ELOVL7: variants seen among roughly 807,000 people sequenced by gnomAD.
ELOVL7 encodes the protein very long chain fatty acid elongase 7.
In ELOVL7, 27 loss-of-function variants were observed where a neutral mutation model predicts 35.7. The ratio of observed to expected loss-of-function variants is 0.76; its 90% CI spans 0.56 to 1.04. The LOEUF is 1.04. ELOVL7 is among the 50% of genes least tolerant of loss of function. The pLI, the probability that ELOVL7 is intolerant of heterozygous loss-of-function variation, is 0.00. For missense variants in ELOVL7, 327 were observed against 340.8 expected, an observed-to-expected ratio of 0.96 and a Z score of 0.32; for synonymous variants, 113 against 114.6, an observed-to-expected ratio of 0.99 and a Z score of 0.09.
Position 60,825,221 on chromosome 5 carries a change from C to A in ELOVL7, c.-86+18939G>T, listed in dbSNP as rs1452329736. On this transcript the variant is annotated intron_variant, in intron 1 of 8. Transcript: ENST00000508821. ...ATACTTAGCTTCAACTGCATTGATC[C>A]CCTTGTCCTTCCCTGAACACACCAA... 3.3e-5 allele frequency among the ~76,000 whole-genome samples: 5 copies of A among 152,070 alleles called. 1 individual carries two copies. The highest frequency in any genetic ancestry group is 3.3e-4 in the Admixed American group (5 of 15,262).
intron 1 of ELOVL7, among the ~76,000 whole-genome samples, chr5:60,803,214 T>C (rs554793811): frequency 6.6e-6 from 1 of 152,304 alleles, no homozygotes; most frequent in South Asian, 2.1e-4. Context: ...TATTTACCAT[T>C]CCATCCCATC....
intron 1 of ELOVL7, among the ~76,000 whole-genome samples, chr5:60,838,258 A>G (rs1746949177): frequency 6.6e-6 from 1 of 151,636 alleles, no homozygotes; most frequent in Admixed American, 6.6e-5. Flanking sequence ...TCGCACCTGC[A>G]CTCTCTCCCT....
chr5:60,819,134 A>G (rs74978461), intron 1 of ELOVL7, among the ~76,000 whole-genome samples: 68 of 6,954 alleles, frequency 9.8e-3, no homozygotes, highest in East Asian at 0.023. Flanking sequence ...AGGAGAGGAG[A>G]GGAGAGCAGA....
At chr5:60,814,238 T>C (rs1017961155) in intron 1 of ELOVL7, among the ~76,000 whole-genome samples, 2 of 152,190 alleles carry the variant, frequency 1.3e-5, no homozygotes, top group Non-Finnish European at 2.9e-5. Context: ...TGAGTTATTA[T>C]GAAATCTGTG....
intron 3 of ELOVL7, among the ~76,000 whole-genome samples, chr5:60,778,927 T>C (rs1325728538): frequency 1.3e-5 from 2 of 152,196 alleles, no homozygotes; most frequent in Non-Finnish European, 2.9e-5. Flanking sequence ...AGGCACTGCA[T>C]AAATATACCC....
At chr5:60,756,234 A>G (rs76465233) in intron 8 of ELOVL7, among the ~76,000 whole-genome samples, 1 of 151,902 alleles carries the variant, frequency 6.6e-6, no homozygotes, top group South Asian at 2.1e-4. Flanking sequence ...GTATGCTGAG[A>G]AAAAAAAGCC....
At chr5:60,841,454 C>T (rs1274460593) in intron 1 of ELOVL7, among the ~76,000 whole-genome samples, 1 of 152,180 alleles carries the variant, frequency 6.6e-6, no homozygotes, top group African/African-American at 2.4e-5. Flanking sequence ...GAACTCTCTT[C>T]TTGGCTCCCT....
intron 1 of ELOVL7, among the ~76,000 whole-genome samples, chr5:60,843,016 T>C (rs1747269300): frequency 1.3e-5 from 2 of 151,918 alleles, no homozygotes; most frequent in African/African-American, 4.8e-5. Context: ...GGGTGCGTGG[T>C]AAGAACGCAG....
intron 8 of ELOVL7, 97 bp downstream of exon 8, chr5:60,757,412 T>C (rs1741606846): frequency 1.6e-6 from 2 of 1,285,450 alleles, no homozygotes; most frequent in East Asian, 2.3e-5. Context: ...CCTATTGTTT[T>C]GTCTTTCTTC....
intron 3 of ELOVL7, among the ~76,000 whole-genome samples, chr5:60,774,067 T>C (rs1380297734): frequency 2.0e-5 from 3 of 152,226 alleles, no homozygotes; most frequent in African/African-American, 7.2e-5. Context: ...AAAGAAGAGC[T>C]AGTACCAATC....
intron 8 of ELOVL7, among the ~76,000 whole-genome samples, 155 bp downstream of exon 8, chr5:60,757,354 A>C (rs540257923): frequency 1.3e-5 from 2 of 152,246 alleles, no homozygotes; most frequent in East Asian, 3.9e-4. Context: ...TTCATCTAAC[A>C]TATTAAGAAC....
chr5:60,755,062 A>G (rs186942369), intron 8 of ELOVL7, among the ~76,000 whole-genome samples: 199 of 152,272 alleles, frequency 1.3e-3, no homozygotes, highest in Non-Finnish European at 2.0e-3. Flanking sequence ...CGCAGGGTCT[A>G]TATTTAAATG....
intron 1 of ELOVL7, among the ~76,000 whole-genome samples, chr5:60,822,005 T>C (rs1227031785): frequency 2.0e-5 from 3 of 152,266 alleles, no homozygotes; most frequent in Non-Finnish European, 4.4e-5. Flanking sequence ...ACTTCTCTAA[T>C]GCCTTCAGGT....
At chr5:60,792,797 G>A (rs1744016899) in intron 2 of ELOVL7, among the ~76,000 whole-genome samples, 1 of 152,192 alleles carries the variant, frequency 6.6e-6, no homozygotes, top group South Asian at 2.1e-4. Flanking sequence ...AATATCTGAT[G>A]GCAAAGAAGT....
chr5:60,787,922 G>GA (rs1743698362), intron 2 of ELOVL7, among the ~76,000 whole-genome samples: 1 of 152,300 alleles, frequency 6.6e-6, no homozygotes, highest in African/African-American at 2.4e-5. Flanking sequence ...AATAGAGACA[G>GA]AAAGAGGGAA....
At chr5:60,783,984 GA>G in intron 3 of ELOVL7, 1 of 617,324 alleles carries the variant, frequency 1.6e-6, no homozygotes, top group South Asian at 1.9e-5. Context: ...CAGGCTGTCT[GA>G]CAGTCTATAC....
intron 1 of ELOVL7, among the ~76,000 whole-genome samples, chr5:60,819,444 T>G (rs1434644760): frequency 6.6e-6 from 1 of 152,062 alleles, no homozygotes; most frequent in African/African-American, 2.4e-5. Context: ...TCCTTTTGCT[T>G]CCCTGTACAA....
rs564786203 is a variant in ELOVL7, at chr5:60,801,731, T to C, written c.-85-2501A>G. Reference sequence around the variant, plus strand: ...AAAAAAGAAAAAAAAATGAAGAAACTAGAACAAAGCGAGCAGAAGGAAGGA... The same window carrying C: ...AAAAAAGAAAAAAAAATGAAGAAACCAGAACAAAGCGAGCAGAAGGAAGGA... On this transcript the variant is annotated intron_variant, in intron 1 of 8. Transcript: ENST00000508821. Among the ~76,000 whole-genome samples the C allele has an allele frequency of 2.0e-4, 30 of 151,626 alleles. No individual in the cohort carries two copies. In the East Asian group the frequency reaches 3.7e-3, roughly 19 times the overall value.
At chr5:60,841,868 G>A (rs962246367) in intron 1 of ELOVL7, among the ~76,000 whole-genome samples, 1 of 152,104 alleles carries the variant, frequency 6.6e-6, no homozygotes, top group African/African-American at 2.4e-5. Context: ...GTACCTGTTT[G>A]TGACAATGGA....
Sources: gnomAD v4.1 joint callset for allele counts (sites outside exome capture counted in the v4.1 genomes callset) on GRCh38, gnomAD v4.1.1 for gene constraint, MANE v1.5 for transcripts, NCBI Gene and HGNC (gene_info 2026-07-23, HGNC 2026-07-21) for gene names.